CLTCL1: variants seen among roughly 807,000 people sequenced by gnomAD.
CLTCL1 encodes the protein clathrin heavy chain like 1.
CLTCL1 carries 159 observed loss-of-function variants against 190.0 expected under a neutral mutation model. The observed-to-expected ratio is 0.84, with a 90% CI of 0.74 to 0.95. The LOEUF (loss-of-function observed/expected upper bound fraction) is 0.95. Ranked by LOEUF, CLTCL1 falls within the 40% of genes least tolerant of loss-of-function variation. CLTCL1 has a pLI of 0.00. For synonymous variants in CLTCL1, 752 were observed against 769.6 expected (o/e 0.98, Z 0.38); for missense variants, 1,878 against 2,033.4 (o/e 0.92, Z 1.47).
At position 19,285,277 on chromosome 22, in the gene CLTCL1, A is replaced by G. The variant is rs566222641; in HGVS notation, c.42+6323T>C. 2.0e-5 allele frequency among the ~76,000 whole-genome samples: 3 copies of G among 152,204 alleles called. No individual in the cohort carries two copies. In the South Asian group the frequency reaches 6.2e-4, roughly 32 times the overall value. ...GCAACAGAACAAGACTCCATCTTAA[A>G]AAAAAGAAAAAGAAAAAGAAAAAGA... On this transcript the variant is annotated intron_variant, in intron 1 of 32. Coordinates refer to ENST00000427926, the MANE Select transcript of CLTCL1 (RefSeq NM_007098.4).
chr22:19,291,714 G>C lies in CLTCL1; in HGVS notation c.-73C>G, dbSNP rs1555994527. The C allele has an allele frequency of 7.8e-6, 10 of 1,285,038 alleles. No individual in the cohort carries two copies. Among genetic ancestry groups the C allele is most frequent in the Admixed American group, 4.0e-5 (1 of 25,014 alleles). The allele number at this position is 1,285,038 out of a possible 1,614,324, so 79.6% of individuals were successfully genotyped here. A position where few individuals can be genotyped will look rare whatever the true frequency, so the allele number is the denominator to read the frequency against. On this transcript the variant is annotated 5_prime_UTR_variant, in exon 1 of 33. Transcript: ENST00000427926. ...CGCCGACCCCTCGCGCGGGCTGACCGGTGGCGACGGCGCAGGCGCAGTGCC... is the reference window on the plus strand; with the variant it reads ...CGCCGACCCCTCGCGCGGGCTGACCCGTGGCGACGGCGCAGGCGCAGTGCC...
intron 26 of CLTCL1, among the ~76,000 whole-genome samples, chr22:19,193,168 T>G (rs1186340465): frequency 6.6e-6 from 1 of 152,008 alleles, no homozygotes; most frequent in African/African-American, 2.4e-5. Flanking sequence ...ATCACGCGAG[T>G]GGACAGACTT....
At chr22:19,253,854 C>T in intron 3 of CLTCL1, 105 bp downstream of exon 3, 1 of 1,354,630 alleles carries the variant, frequency 7.4e-7, no homozygotes, top group South Asian at 1.4e-5. Context: ...GCATGAGCCA[C>T]CGCACCTGGC....
chr22:19,258,061 C>T (rs886356009), intron 2 of CLTCL1: 13 of 454,728 alleles, frequency 2.9e-5, no homozygotes, highest in African/African-American at 1.4e-4. Flanking sequence ...TTGTGAGGAG[C>T]GACATCCATG....
At chr22:19,232,394 A>C in intron 10 of CLTCL1, 82 bp downstream of exon 10, 3 of 1,571,396 alleles carry the variant, frequency 1.9e-6, no homozygotes, top group Non-Finnish European at 2.6e-6. Flanking sequence ...CATTGAGACA[A>C]GTTAACAGGA....
chr22:19,286,100 C>A (rs1315392013), intron 1 of CLTCL1, among the ~76,000 whole-genome samples: 2 of 152,134 alleles, frequency 1.3e-5, no homozygotes, highest in African/African-American at 2.4e-5. Flanking sequence ...CTCAGATCCT[C>A]CTAGGACTTA....
chr22:19,285,361 A>G (rs1466730880), intron 1 of CLTCL1, among the ~76,000 whole-genome samples: 1 of 152,210 alleles, frequency 6.6e-6, no homozygotes, highest in Non-Finnish European at 1.5e-5. Context: ...AGGGCCTATG[A>G]AGAATGTTGA....
chr22:19,184,899 G>T, intron 29 of CLTCL1: 1 of 255,372 alleles, frequency 3.9e-6, no homozygotes, highest in Non-Finnish European at 7.8e-6. Flanking sequence ...CTTCATCCTG[G>T]TCCCCATCCC....
In CLTCL1 at chr22:19,216,102, T is replaced by C. The variant is rs1314730682; in HGVS notation, c.3065+9A>G. On this transcript the variant is annotated intron_variant, in intron 19 of 32. Transcript: ENST00000427926. ...CCTGTGTCCACAGCTACCCCTGGCATAGCCTCACCTGTGCTCGCTGAAGAC... is the reference window on the plus strand; with the variant it reads ...CCTGTGTCCACAGCTACCCCTGGCACAGCCTCACCTGTGCTCGCTGAAGAC... The C allele has an allele frequency of 1.2e-6, 2 of 1,613,074 alleles. No individual in the cohort carries two copies. The highest frequency in any genetic ancestry group is 1.7e-6 in the Non-Finnish European group (2 of 1,179,378).
chr22:19,237,139 C>A (rs1004322074), intron 5 of CLTCL1, among the ~76,000 whole-genome samples: 1 of 152,034 alleles, frequency 6.6e-6, no homozygotes, highest in Non-Finnish European at 1.5e-5. Flanking sequence ...ATACATCAGA[C>A]ACTTAGTACT....
chr22:19,183,283 G>A, intron 30 of CLTCL1, 107 bp downstream of exon 30: 1 of 901,030 alleles, frequency 1.1e-6, no homozygotes, highest in Non-Finnish European at 1.7e-6. Context: ...TGGGGAATCT[G>A]GGTTGGCCTC....
intron 5 of CLTCL1, among the ~76,000 whole-genome samples, chr22:19,237,039 T>C (rs1555962536): frequency 6.6e-6 from 1 of 151,970 alleles, no homozygotes; most frequent in Non-Finnish European, 1.5e-5. Context: ...GCAGAATTAG[T>C]CTCAAAACAT....
rs2084776956 is a variant in CLTCL1, at chr22:19,198,392, G to A, written c.3873+1342C>T. 6.6e-6 allele frequency among the ~76,000 whole-genome samples: 1 copy of A among 152,108 alleles called. No individual in the cohort carries two copies. The highest frequency in any genetic ancestry group is 2.4e-5 in the African/African-American group (1 of 41,404). On this transcript the variant is annotated intron_variant, in intron 24 of 32. Coordinates refer to ENST00000427926, the MANE Select transcript of CLTCL1 (RefSeq NM_007098.4). The surrounding 1 kb of genome is among the most constrained non-coding windows in gnomAD (Gnocchi z 4.1). ...TCCTCAAGTATGTGTCTCAGCACAT[G>A]AGCCACCATGATCCTTTTACCCCCG...
At chr22:19,247,047 T>C (rs140464488) in intron 3 of CLTCL1, among the ~76,000 whole-genome samples, 1,773 of 152,326 alleles carry the variant, frequency 0.012, 34 homozygotes, top group African/African-American at 0.039. Context: ...TTTGGTGCTA[T>C]TATATATCTA....
chr22:19,233,814 T>A (rs1363225696), intron 7 of CLTCL1, among the ~76,000 whole-genome samples, 192 bp from the exon 8 acceptor site: 1 of 152,198 alleles, frequency 6.6e-6, no homozygotes, highest in East Asian at 1.9e-4. Flanking sequence ...ATCTAGGTCC[T>A]CCAGGTGGCT....
At chr22:19,287,452 T>C (rs769482735) in intron 1 of CLTCL1, among the ~76,000 whole-genome samples, 3 of 151,898 alleles carry the variant, frequency 2.0e-5, no homozygotes, top group African/African-American at 2.4e-5. Context: ...GGCAGCAGAG[T>C]TGAGCAGGTG....
chr22:19,282,283 C>G (rs1555987234), intron 1 of CLTCL1, among the ~76,000 whole-genome samples: 1 of 150,936 alleles, frequency 6.6e-6, no homozygotes, highest in African/African-American at 2.4e-5. Context: ...GAGCCAAGAT[C>G]GCGCCACTGC....
intron 30 of CLTCL1, 57 bp from the exon 31 acceptor site, chr22:19,180,863 A>C: frequency 6.6e-7 from 1 of 1,508,536 alleles, no homozygotes; most frequent in Non-Finnish European, 9.2e-7. Flanking sequence ...TCCGGCCTCT[A>C]GGTGAAAGTG....
chr22:19,217,170 A>T (rs1405182739), intron 18 of CLTCL1, among the ~76,000 whole-genome samples: 1 of 152,182 alleles, frequency 6.6e-6, no homozygotes, highest in African/African-American at 2.4e-5. Flanking sequence ...TAGTAACTAC[A>T]ACAAGGAGGC....
Sources: allele counts gnomAD v4.1 joint callset (sites outside exome capture counted in the v4.1 genomes callset), GRCh38; gene constraint gnomAD v4.1.1; non-coding constraint Gnocchi (gnomAD v3.1); transcripts MANE v1.5; gene names NCBI Gene and HGNC (gene_info 2026-07-23, HGNC 2026-07-21).